Variants in SLC25A48 observed in about 807,000 individuals in gnomAD.
SLC25A48 encodes the protein CTC-321K16.1.
A neutral mutation model predicts 32.2 loss-of-function variants in SLC25A48; 29 were observed. That is an observed-to-expected ratio of 0.90 (90% CI 0.67 to 1.23). SLC25A48 has a LOEUF of 1.23. SLC25A48 is among the 50% of genes most tolerant of loss of function. The pLI, the probability that SLC25A48 is intolerant of heterozygous loss-of-function variation, is 0.00. For missense variants in SLC25A48, 399 were observed against 422.7 expected (o/e 0.94, Z 0.49); for synonymous variants, 164 against 172.3 (o/e 0.95, Z 0.38).
chr5:135,683,801 G>C (rs1753955816), intron 3 of SLC25A48, among the ~76,000 whole-genome samples: 1 of 152,178 alleles, frequency 6.6e-6, no homozygotes, highest in Non-Finnish European at 1.5e-5. Flanking sequence ...ACCCCATGGA[G>C]CACTCAGGAG....
At position 135,678,818 on chromosome 5, in the gene SLC25A48, A is replaced by G. The variant is rs1464190587; in HGVS notation, c.-521+43862A>G. ...GTAAACAGCATTAGTCATGTCTGTG[A>G]TTTCCTCAGTAGCTTAGGGTGTGGT... is the stretch of plus-strand genomic sequence containing the variant. On this transcript the variant is annotated intron_variant, in intron 3 of 10. Transcript: ENST00000646290. 5.9e-5 allele frequency among the ~76,000 whole-genome samples: 9 copies of G among 152,188 alleles called. No homozygotes were observed. In the East Asian group the frequency reaches 1.5e-3, roughly 26 times the overall value.
At chr5:135,778,436 T>C (rs1462454256) in intron 3 of SLC25A48, among the ~76,000 whole-genome samples, 1 of 151,856 alleles carries the variant, frequency 6.6e-6, no homozygotes, top group Admixed American at 6.6e-5. Context: ...CAGCAGGTGG[T>C]GTACACCGCC....
At chr5:135,738,291 C>T (rs1755423947) in intron 3 of SLC25A48, among the ~76,000 whole-genome samples, 2 of 152,132 alleles carry the variant, frequency 1.3e-5, no homozygotes, top group Admixed American at 6.5e-5. Context: ...GGCTCTGTGT[C>T]CTGTCTATTC....
intron 1 of SLC25A48, among the ~76,000 whole-genome samples, chr5:135,593,462 T>C (rs1001301223): frequency 1.3e-5 from 2 of 152,168 alleles, no homozygotes; most frequent in Non-Finnish European, 2.9e-5. Flanking sequence ...CCAATCAGAA[T>C]AGGAGATAAA....
intron 3 of SLC25A48, among the ~76,000 whole-genome samples, chr5:135,795,356 A>C (rs1276357143): frequency 6.6e-6 from 1 of 151,734 alleles, no homozygotes; most frequent in Admixed American, 6.6e-5. Context: ...ATTATTCCTA[A>C]TATCCATTGG....
chr5:135,854,353 A>G (rs1054517080), intron 4 of SLC25A48, among the ~76,000 whole-genome samples: 1 of 152,228 alleles, frequency 6.6e-6, no homozygotes, highest in African/African-American at 2.4e-5. Flanking sequence ...TCTTTTTCCA[A>G]TAGAAGGCTG....
intron 4 of SLC25A48, among the ~76,000 whole-genome samples, chr5:135,867,276 T>C (rs1414728528): frequency 6.6e-6 from 1 of 152,234 alleles, no homozygotes; most frequent in Non-Finnish European, 1.5e-5. Flanking sequence ...AGCTGTGTCC[T>C]GATCCGGCAC....
rs780102872 is a variant in SLC25A48, at chr5:135,888,103, T to C, written c.*79T>C. On this transcript the variant is annotated 3_prime_UTR_variant, in exon 8 of 8. Transcript: ENST00000681962. ...CATGTGAAGCCCTGAGAGCTGCAGA[T>C]GTTTGGCCTTTGGACCTCCAAGTGG... The C allele has an allele frequency of 7.7e-6, 12 of 1,550,872 alleles. No individual in the cohort carries two copies. The highest frequency in any genetic ancestry group is 1.0e-5 in the Non-Finnish European group (12 of 1,146,326).
At chr5:135,801,843 G>A (rs562765273) in intron 3 of SLC25A48, among the ~76,000 whole-genome samples, 28 of 151,606 alleles carry the variant, frequency 1.8e-4, no homozygotes, top group East Asian at 9.7e-4. Flanking sequence ...CATATTGTTC[G>A]TATTATCCGG....
At chr5:135,686,040 A>G (rs1345266983) in intron 3 of SLC25A48, among the ~76,000 whole-genome samples, 4 of 152,188 alleles carry the variant, frequency 2.6e-5, no homozygotes, top group African/African-American at 9.6e-5. Flanking sequence ...ATGAGGCCGG[A>G]GCAAGCTGAA....
At chr5:135,822,454 A>C (rs1418673324) in intron 4 of SLC25A48, among the ~76,000 whole-genome samples, 1 of 152,156 alleles carries the variant, frequency 6.6e-6, no homozygotes, top group African/African-American at 2.4e-5. Context: ...CTGTTCCTTC[A>C]TGCCTCCCTC....
intron 1 of SLC25A48, among the ~76,000 whole-genome samples, chr5:135,597,742 GC>G (rs1751688148): frequency 6.6e-6 from 1 of 152,154 alleles, no homozygotes; most frequent in Admixed American, 6.5e-5. Flanking sequence ...AGTGGCTCAC[GC>G]CTATAACACT....
chr5:135,640,171 C>T (rs765927953), intron 3 of SLC25A48, among the ~76,000 whole-genome samples: 3 of 151,842 alleles, frequency 2.0e-5, no homozygotes, highest in Admixed American at 1.3e-4. Flanking sequence ...AGACTGTGGA[C>T]GAAAGGGCCA....
chr5:135,826,765 G>A (rs143096409), intron 4 of SLC25A48: 3 of 152,280 alleles, frequency 2.0e-5, no homozygotes, highest in East Asian at 1.9e-4. Context: ...GCAGACAGCC[G>A]GGAACTGTGG....
At chr5:135,660,021 A>C (rs1753357218) in intron 3 of SLC25A48, among the ~76,000 whole-genome samples, 1 of 152,224 alleles carries the variant, frequency 6.6e-6, no homozygotes, top group African/African-American at 2.4e-5. Flanking sequence ...TGGTTTTGGT[A>C]TATAGCTGCA....
intron 3 of SLC25A48, among the ~76,000 whole-genome samples, chr5:135,738,140 C>T (rs747654936): frequency 2.0e-5 from 3 of 152,108 alleles, no homozygotes; most frequent in Non-Finnish European, 4.4e-5. Context: ...TAATCAGTTC[C>T]CTTTAGAGGA....
intron 5 of SLC25A48, chr5:135,872,027 T>G (rs1761696662): frequency 1.6e-6 from 2 of 1,276,530 alleles, no homozygotes; most frequent in African/African-American, 1.5e-5. Context: ...TTCAGTTTAT[T>G]AAATGCAATC....
At chr5:135,867,545 G>A (rs988671537) in intron 4 of SLC25A48, among the ~76,000 whole-genome samples, 2 of 152,128 alleles carry the variant, frequency 1.3e-5, no homozygotes, top group African/African-American at 4.8e-5. Context: ...AGAGCACTTA[G>A]CACCACATGG....
intron 4 of SLC25A48, among the ~76,000 whole-genome samples, chr5:135,862,713 A>G (rs1376686649): frequency 1.3e-5 from 2 of 152,086 alleles, no homozygotes; most frequent in East Asian, 3.9e-4. Flanking sequence ...GGGACATGGG[A>G]TGGCGAAGTG....
Sources: allele counts gnomAD v4.1 joint callset (sites outside exome capture counted in the v4.1 genomes callset), GRCh38; gene constraint gnomAD v4.1.1; transcripts MANE v1.5; gene names NCBI Gene and HGNC (gene_info 2026-07-23, HGNC 2026-07-21).